MSN: variants seen among roughly 807,000 people sequenced by gnomAD.
The protein encoded by MSN is epididymis luminal protein 70.
A neutral mutation model predicts 48.0 loss-of-function variants in MSN; 2 were observed. The ratio of observed to expected loss-of-function variants is 0.04; its 90% CI spans 0.02 to 0.13. MSN has a LOEUF of 0.13. MSN is among the 10% of genes least tolerant of loss of function. The pLI, the probability that MSN is intolerant of heterozygous loss-of-function variation, is 1.00. For synonymous variants in MSN, 146 were observed against 166.9 expected (o/e 0.87, Z 0.97); for missense variants, 267 against 470.1 (o/e 0.57, Z 3.99).
intron 1 of MSN, among the ~76,000 whole-genome samples, chrX:65,590,559 C>A (rs1241034617): frequency 9.0e-6 from 1 of 111,030 alleles, no homozygotes; most frequent in East Asian, 2.8e-4. Context: ...GCTTGGGACT[C>A]GAATCTATAG....
chrX:65,636,818 A>G (rs1182562794), intron 1 of MSN, among the ~76,000 whole-genome samples: 5 of 102,153 alleles, frequency 4.9e-5, no homozygotes, highest in Admixed American at 3.2e-4. Flanking sequence ...GCGGTGGCTC[A>G]CGCCTGTAAT....
At chrX:65,601,535 T>C (rs746736112) in intron 1 of MSN, among the ~76,000 whole-genome samples, 3 of 112,771 alleles carry the variant, frequency 2.7e-5, no homozygotes, top group African/African-American at 9.6e-5. Flanking sequence ...GCCCACAGCC[T>C]CTAAATGCCT....
chrX:65,651,568 T>A (rs1276100390), intron 1 of MSN, among the ~76,000 whole-genome samples: 1 of 76,894 alleles, frequency 1.3e-5, no homozygotes, highest in Non-Finnish European at 2.0e-5. Context: ...ATATTTATTA[T>A]TATTATTATT....
intron 1 of MSN, among the ~76,000 whole-genome samples, chrX:65,617,672 A>G (rs374825764): frequency 7.4e-5 from 7 of 94,937 alleles, no homozygotes; most frequent in East Asian, 3.1e-4. Context: ...TGGATTCATT[A>G]ATTTTTTGAA....
chrX:65,588,518 T>A, exon 1 of MSN: 1 of 792,638 alleles, frequency 1.3e-6, no homozygotes, highest in Non-Finnish European at 1.5e-6. Context: ...GCAGCAAGGC[T>A]GGCCACACCA....
At chrX:65,593,440 C>T (rs972059217) in intron 1 of MSN, 2 of 112,620 alleles carry the variant, frequency 1.8e-5, no homozygotes, top group Non-Finnish European at 3.7e-5. Context: ...TCAAAGTCTC[C>T]GTCCCAGGGT....
At chrX:65,652,840 A>G (rs2070752384) in intron 1 of MSN, among the ~76,000 whole-genome samples, 1 of 111,411 alleles carries the variant, frequency 9.0e-6, no homozygotes. Context: ...GATGATGTTA[A>G]AGGTGTAATA....
At chrX:65,686,701 C>A (rs1371933303) in intron 1 of MSN, among the ~76,000 whole-genome samples, 1 of 112,193 alleles carries the variant, frequency 8.9e-6, no homozygotes, top group Non-Finnish European at 1.9e-5. Context: ...TGAGCCTCCA[C>A]TTCTCCCGTT....
intron 1 of MSN, among the ~76,000 whole-genome samples, chrX:65,622,096 C>CTTTTTTT (rs757740196): frequency 1.1e-5 from 1 of 90,660 alleles, no homozygotes. Context: ...CTTTTCTTTT[C>CTTTTTTT]TTTTTTTTTT....
chrX:65,624,909 G>A (rs192224237), intron 1 of MSN: 9 of 111,528 alleles, frequency 8.1e-5, no homozygotes, highest in African/African-American at 2.3e-4. Flanking sequence ...AAGGAAGGAA[G>A]GAAGCAAGGG....
chrX:65,626,301 G>A (rs1201606295), intron 1 of MSN, among the ~76,000 whole-genome samples: 3 of 111,673 alleles, frequency 2.7e-5, no homozygotes, highest in Non-Finnish European at 3.8e-5. Flanking sequence ...CCTTGAGGAT[G>A]GCTTCTATCC....
chrX:65,607,551 G>A, intron 1 of MSN, among the ~76,000 whole-genome samples: 1 of 111,550 alleles, frequency 9.0e-6, no homozygotes, highest in Non-Finnish European at 1.9e-5. Flanking sequence ...TGGCACCCTT[G>A]TATTCATGAT....
intron 1 of MSN, among the ~76,000 whole-genome samples, chrX:65,672,448 T>C (rs12855773): frequency 4.5e-5 from 5 of 111,972 alleles, no homozygotes; most frequent in Non-Finnish European, 7.5e-5. Flanking sequence ...GGGTGGTCTT[T>C]TCATGACTGA....
intron 11 of MSN, 109 bp downstream of exon 11, chrX:65,738,726 C>T (rs2071705854): frequency 1.3e-6 from 1 of 749,929 alleles, no homozygotes; most frequent in African/African-American, 2.1e-5. Flanking sequence ...TCATACTTCC[C>T]ACAGCAGGCA....
chrX:65,701,361 C>T (rs2071301722), intron 1 of MSN, among the ~76,000 whole-genome samples: 1 of 111,702 alleles, frequency 9.0e-6, no homozygotes. Context: ...CCTCTTCCTG[C>T]CTGCAGACCT....
intron 1 of MSN, among the ~76,000 whole-genome samples, chrX:65,674,449 A>G (rs1221574514): frequency 9.0e-6 from 1 of 111,230 alleles, no homozygotes; most frequent in Admixed American, 9.6e-5. Context: ...CATTAACAAG[A>G]TGGGTACAAT....
At chrX:65,698,557 CT>C (rs1465004379) in intron 1 of MSN, among the ~76,000 whole-genome samples, 2 of 112,367 alleles carry the variant, frequency 1.8e-5, no homozygotes, top group African/African-American at 6.5e-5. Context: ...AGGCCCCATC[CT>C]TCTCTTCTCC....
At chrX:65,646,677 G>A (rs1485186743) in intron 1 of MSN, among the ~76,000 whole-genome samples, 2 of 112,323 alleles carry the variant, frequency 1.8e-5, no homozygotes, top group Non-Finnish European at 3.8e-5. Context: ...CGGGCGTGGT[G>A]GCTCACGCTT....
chrX:65,688,507 G>A (rs1187180057), intron 1 of MSN, among the ~76,000 whole-genome samples: 1 of 111,960 alleles, frequency 8.9e-6, no homozygotes, highest in Non-Finnish European at 1.9e-5. Flanking sequence ...TTTGGTTTTC[G>A]ACTATGCACG....
Sources: allele counts gnomAD v4.1 joint callset (sites outside exome capture counted in the v4.1 genomes callset), GRCh38; gene constraint gnomAD v4.1.1; transcripts MANE v1.5; gene names NCBI Gene and HGNC (gene_info 2026-07-23, HGNC 2026-07-21).